The following DDX55 variants were observed in gnomAD, a reference collection of about 807,000 sequenced individuals.
DDX55 encodes the protein DEAD-box helicase 55, also known as ATP-dependent RNA helicase DDX55.
Under a neutral mutation model 69.2 loss-of-function variants are expected in DDX55, and 56 were observed. That is an observed-to-expected ratio of 0.81 (90% confidence interval 0.65 to 1.01). DDX55 has a LOEUF of 1.01. DDX55 is among the 50% of genes least tolerant of loss of function. DDX55 has a pLI of 0.00. For synonymous variants in DDX55, 268 were observed against 273.1 expected, an observed-to-expected ratio of 0.98 and a Z score of 0.18; for missense variants, 720 against 745.1, an observed-to-expected ratio of 0.97 and a Z score of 0.39.
At chr12:123,610,487 G>A (rs970448756) in intron 7 of DDX55, among the ~76,000 whole-genome samples, 2 of 152,056 alleles carry the variant, frequency 1.3e-5, no homozygotes, top group African/African-American at 4.8e-5. Context: ...AGTTAGATGT[G>A]CAGGTGGAAC....
intron 7 of DDX55, among the ~76,000 whole-genome samples, chr12:123,611,546 A>G (rs1233186086): frequency 6.6e-6 from 1 of 152,214 alleles, no homozygotes; most frequent in East Asian, 1.9e-4. Context: ...GCTCCTGAAC[A>G]TGTCTGCTGT....
chr12:123,609,312 T>G (rs73414262), intron 6 of DDX55, among the ~76,000 whole-genome samples: 23,520 of 151,780 alleles, frequency 0.15, 2,219 homozygotes, highest in African/African-American at 0.26. Context: ...GCTTTCAAAT[T>G]CTACCACGTG....
Position 123,608,749 on chromosome 12 carries a change from TCTGGC to T in DDX55, c.473_477del (p.Leu158GlnfsTer13). 6.2e-7 allele frequency: 1 copy of T among 1,614,162 alleles called. No individual in the cohort carries two copies. Among genetic ancestry groups the T allele is most frequent in the South Asian group, 1.1e-5 (1 of 91,082 alleles). ...TCCGGAGGAAGGCCGAAGGCTTGGA[TCTGGC>T]CAGCTGTGTGCGATCCCTGGATGTC... On this transcript the variant is annotated frameshift_variant, in exon 6 of 14. Coordinates refer to ENST00000238146, the MANE Select transcript of DDX55 (RefSeq NM_020936.3). LOFTEE classifies it high-confidence loss of function.
chr12:123,613,328 T>C, intron 8 of DDX55, 76 bp downstream of exon 8: 1 of 1,438,668 alleles, frequency 7.0e-7, no homozygotes, highest in Non-Finnish European at 9.7e-7. Context: ...CTTTGGGTTT[T>C]GGATTCCATC....
chr12:123,612,679 T>G (rs368894890), intron 7 of DDX55, among the ~76,000 whole-genome samples: 51 of 147,482 alleles, frequency 3.5e-4, no homozygotes, highest in African/African-American at 1.2e-3. Flanking sequence ...AATCTGCATT[T>G]AAAAAAAAAA....
intron 9 of DDX55, among the ~76,000 whole-genome samples, chr12:123,616,254 C>T (rs1056223577): frequency 6.6e-6 from 1 of 152,140 alleles, no homozygotes; most frequent in Non-Finnish European, 1.5e-5. Flanking sequence ...TAGACCCATA[C>T]AGTTTTGGTT....
chr12:123,612,495 T>G (rs944659257), intron 7 of DDX55, among the ~76,000 whole-genome samples: 1 of 152,134 alleles, frequency 6.6e-6, no homozygotes, highest in African/African-American at 2.4e-5. Flanking sequence ...GGGGTCTGCG[T>G]CCATGGAGGC....
chr12:123,605,938 C>T lies in DDX55; in HGVS notation c.116C>T (p.Thr39Ile), dbSNP rs760257431. 8 of 1,614,182 alleles carry T rather than the reference C, an allele frequency of 5.0e-6. No homozygotes were observed. The East Asian group carries it at 1.3e-4, about 27-fold the overall frequency. ...TGCAATCTCTCTCTTTAGTCCGCAACCATCCCTCTGTTCATGCGAAACAAA... is the reference window on the plus strand; with the variant it reads ...TGCAATCTCTCTCTTTAGTCCGCAATCATCCCTCTGTTCATGCGAAACAAA... ...FPYMTPVQSA[T>I]IPLFMRNKDV... Residue 39 changes from threonine (T) to isoleucine (I), a missense_variant, in exon 2 of 14, where the codon ACC becomes ATC. By Grantham distance (89) the Thr-to-Ile change is moderately conservative. Transcript: ENST00000238146.
intron 6 of DDX55, among the ~76,000 whole-genome samples, chr12:123,609,044 C>T (rs918007854): frequency 2.0e-5 from 3 of 152,098 alleles, no homozygotes; most frequent in African/African-American, 7.2e-5. Context: ...GCCTCAACCT[C>T]TCGGGCTCAG....
Position 123,603,896 on chromosome 12 carries a change from G to A in DDX55, c.108+1640G>A, listed in dbSNP as rs978734217. Among the ~76,000 whole-genome samples the A allele has an allele frequency of 5.3e-5, 8 of 152,136 alleles. No homozygotes were observed. The East Asian group carries it at 5.8e-4, about 11-fold the overall frequency. The stretch of plus-strand genomic sequence containing the variant: ...CGGCTCACTGCAACTTCTGCCTCCC[G>A]GGTTCAAGCTATTCTCCCATCTCAG... On this transcript the variant is annotated intron_variant, in intron 1 of 13. Transcript: ENST00000238146.
At chr12:123,602,707 T>G (rs1953644652) in intron 1 of DDX55, among the ~76,000 whole-genome samples, 1 of 152,226 alleles carries the variant, frequency 6.6e-6, no homozygotes, top group Non-Finnish European at 1.5e-5. Flanking sequence ...GAGGACCTGC[T>G]ATGTGTCAGG....
chr12:123,609,868 A>G, intron 6 of DDX55, 71 bp from the exon 7 acceptor site: 1 of 1,518,766 alleles, frequency 6.6e-7, no homozygotes, highest in Non-Finnish European at 8.9e-7. Flanking sequence ...ATACCTGTTT[A>G]GTATCGTGAA....
chr12:123,602,322 A>AC, intron 1 of DDX55, 66 bp downstream of exon 1: 1 of 1,409,350 alleles, frequency 7.1e-7, no homozygotes, highest in Non-Finnish European at 9.5e-7. Context: ...CATCGGACCC[A>AC]CAGGAGGTGA....
At chr12:123,619,379 T>G (rs1197197127) in intron 12 of DDX55, 53 bp from the exon 13 acceptor site, 40 of 1,551,034 alleles carry the variant, frequency 2.6e-5, no homozygotes, top group Non-Finnish European at 3.3e-5. Flanking sequence ...AAGCCATTAC[T>G]GATTGTTCTA....
chr12:123,618,332 T>C (rs1188000830), intron 11 of DDX55: 1 of 588,176 alleles, frequency 1.7e-6, no homozygotes, highest in Non-Finnish European at 3.2e-6. Context: ...GCTTTAAGGC[T>C]GTGGAGGCAC....
In DDX55 at chr12:123,620,609, T is replaced by A. The variant is rs1244631974; in HGVS notation, c.*469T>A. ...ATATATATATATATATATATATATA[T>A]ATATATATATATATATATAAGCTCT... is the stretch of plus-strand genomic sequence containing the variant. On this transcript the variant is annotated 3_prime_UTR_variant, in exon 14 of 14. Transcript: ENST00000238146. 8 of 73,564 alleles carry A rather than the reference T, an allele frequency of 1.1e-4. No individual in the cohort carries two copies. The highest frequency in any genetic ancestry group is 3.7e-4 in the African/African-American group (8 of 21,622). The allele number at this position is 73,564 out of a possible 1,614,324, so 4.6% of individuals were successfully genotyped here.
intron 1 of DDX55, chr12:123,605,193 A>G (rs114613914): frequency 0.061 from 9,390 of 153,762 alleles, 698 homozygotes; most frequent in African/African-American, 0.18. Flanking sequence ...CATAATTAAA[A>G]AAATTTTCTT....
chr12:123,617,772 G>A lies in DDX55; in HGVS notation c.1064G>A (p.Arg355His), dbSNP rs879519365. 12 of 1,612,176 alleles carry A rather than the reference G, an allele frequency of 7.4e-6. No homozygotes were observed. Among genetic ancestry groups the A allele is most frequent in the African/African-American group, 1.3e-5 (1 of 74,892 alleles). Reference sequence around the variant, plus strand: ...TGTTCTCACAGTGCCTTCGTGCATCGCTGCGGTCGCACAGCTCGCATTGGC... The same window carrying A: ...TGTTCTCACAGTGCCTTCGTGCATCACTGCGGTCGCACAGCTCGCATTGGC... ...PPSNASAFVHRCGRTARIGHG... is the reference protein window; with the variant it reads ...PPSNASAFVHHCGRTARIGHG... Residue 355 changes from arginine (R) to histidine (H), a missense_variant, in exon 11 of 14, where the codon CGC (arginine) becomes CAC (histidine). By Grantham distance (29) the Arg-to-His change is conservative. Transcript: ENST00000238146.
At position 123,619,688 on chromosome 12, in the gene DDX55, G is replaced by T. The variant is rs764724274; in HGVS notation, c.1590G>T (p.Lys530Asn). ...CAAAGCAGAAGGCCAAAAAAGAAAA[G>T]AAGAAAAAAATGAATGAGAAAAGGA... ...AWSKQKAKKE[K>N]KKKMNEKRKR... Residue 530 changes from lysine to asparagine, a missense_variant, in exon 13 of 14, where the codon AAG becomes AAT. Lys to Asn is a moderately conservative substitution (Grantham distance 94). Coordinates refer to ENST00000238146, the MANE Select transcript of DDX55 (RefSeq NM_020936.3). 1.9e-6 allele frequency: 3 copies of T among 1,576,076 alleles called. No individual in the cohort carries two copies. The African/African-American group carries it at 4.1e-5, about 22-fold the overall frequency.
Sources: gnomAD v4.1 joint callset for allele counts (sites outside exome capture counted in the v4.1 genomes callset) on GRCh38, gnomAD v4.1.1 for gene constraint, MANE v1.5 for transcripts, NCBI Gene and HGNC (gene_info 2026-07-23, HGNC 2026-07-21) for gene names.